Variants in TOR1AIP1 observed in about 807,000 individuals in gnomAD.
The protein encoded by TOR1AIP1 is torsin-1A-interacting protein 1.
In TOR1AIP1, 54 loss-of-function variants were observed where a neutral mutation model predicts 63.3. The ratio of observed to expected loss-of-function variants is 0.85; its 90% CI spans 0.69 to 1.07. The LOEUF (loss-of-function observed/expected upper bound fraction) is 1.07. Ranked by LOEUF, TOR1AIP1 falls within the 50% of genes least tolerant of loss-of-function variation. The probability of loss-of-function intolerance (pLI) is 0.00; values close to 1 mark genes in which losing one functional copy is unlikely to be tolerated. For synonymous variants in TOR1AIP1, 294 were observed against 273.5 expected (o/e 1.07, Z -0.74); for missense variants, 736 against 715.0 (o/e 1.03, Z -0.33).
intron 7 of TOR1AIP1, 139 bp from the exon 8 acceptor site, chr1:179,908,466 A>C: frequency 1.5e-6 from 1 of 669,602 alleles, no homozygotes; most frequent in South Asian, 2.1e-5. Context: ...ATTATCTTTT[A>C]CTTATAAAAC....
At chr1:179,904,157 G>T in intron 6 of TOR1AIP1, 135 bp downstream of exon 6, 1 of 619,542 alleles carries the variant, frequency 1.6e-6, no homozygotes, top group East Asian at 3.0e-5. Context: ...AAACTTATCC[G>T]ATATCTCTCT....
intron 8 of TOR1AIP1, chr1:179,913,723 CA>C: frequency 1.4e-6 from 1 of 695,334 alleles, no homozygotes; most frequent in South Asian, 1.5e-5. Context: ...CTTAATGGGT[CA>C]AATACTTCCA....
rs763416108 is a variant in TOR1AIP1, at chr1:179,908,622, A to C, written c.856A>C (p.Thr286Pro). The change falls in exon 8 of 10, where the codon ACT (threonine) becomes CCT (proline). Residue 286 changes from threonine to proline, a missense_variant. This residue lies in a region of TOR1AIP1 where 464 missense variants were observed against 371.0 expected (regional missense o/e 1.25). Coordinates refer to ENST00000606911, the MANE Select transcript of TOR1AIP1 (RefSeq NM_015602.4). The stretch of plus-strand genomic sequence containing the variant: ...TGCTTCAGGCTCAGGATATCAAAAA[A>C]CTCCCCAGGAATGGGCCCCACAAAC... ...PSVLSSGYQK[T>P]PQEWAPQTAR... 5.0e-6 allele frequency: 8 copies of C among 1,613,422 alleles called. No individual in the cohort carries two copies. The highest frequency in any genetic ancestry group is 2.2e-5 in the East Asian group (1 of 44,848).
rs1456406090 is a variant in TOR1AIP1, at chr1:179,885,961, G to A, written c.553+1192G>A. Among the ~76,000 whole-genome samples, 7 of 152,052 alleles carry A rather than the reference G, an allele frequency of 4.6e-5. No homozygotes were observed. The South Asian group carries it at 6.2e-4, about 13-fold the overall frequency. ...TCACCATGTTGGCCAAGCTGGTCTC[G>A]AACTCCTGACCTCAGGTGATCCACC... On this transcript the variant is annotated intron_variant, in intron 2 of 9. Transcript: ENST00000606911.
chr1:179,910,720 A>G (rs977350825), intron 8 of TOR1AIP1, among the ~76,000 whole-genome samples: 2 of 152,204 alleles, frequency 1.3e-5, no homozygotes, highest in African/African-American at 2.4e-5. Flanking sequence ...GTAAAAATGC[A>G]TGAGTTTTAG....
chr1:179,907,256 G>A (rs1297827519), intron 6 of TOR1AIP1, among the ~76,000 whole-genome samples: 1 of 151,178 alleles, frequency 6.6e-6, no homozygotes, highest in Non-Finnish European at 1.5e-5. Flanking sequence ...GGGAAACCCT[G>A]TCTCTACTAA....
intron 3 of TOR1AIP1, among the ~76,000 whole-genome samples, chr1:179,897,947 T>C (rs1648337767): frequency 6.6e-6 from 1 of 151,836 alleles, no homozygotes; most frequent in Non-Finnish European, 1.5e-5. Flanking sequence ...ACAAAAAGTA[T>C]AAATATTAGC....
intron 6 of TOR1AIP1, among the ~76,000 whole-genome samples, chr1:179,907,060 C>T (rs905953835): frequency 6.6e-6 from 1 of 151,030 alleles, no homozygotes; most frequent in African/African-American, 2.4e-5. Flanking sequence ...TTATAAAATA[C>T]GAACAGTAAT....
In TOR1AIP1 at chr1:179,882,415, AC is replaced by A; in HGVS notation, c.-83del. 1.5e-6 allele frequency: 2 copies of A among 1,298,438 alleles called. No individual in the cohort carries two copies. The allele number at this position is 1,298,438 out of a possible 1,614,324, so 80.4% of individuals were successfully genotyped here. ...CTGACCACAGCGGCCACCGCCCAAC[AC>A]CCCCGAGAAGCCATCGCCACCACCG... On this transcript the variant is annotated 5_prime_UTR_variant, in exon 1 of 10. Coordinates refer to ENST00000606911, the MANE Select transcript of TOR1AIP1 (RefSeq NM_015602.4).
chr1:179,903,574 C>T (rs959459404), intron 5 of TOR1AIP1, among the ~76,000 whole-genome samples: 6 of 150,614 alleles, frequency 4.0e-5, no homozygotes, highest in Non-Finnish European at 4.4e-5. Flanking sequence ...GTGGTGCGAT[C>T]TCGGCTCGCT....
intron 4 of TOR1AIP1, 116 bp downstream of exon 4, chr1:179,900,283 C>G: frequency 1.5e-6 from 1 of 654,294 alleles, no homozygotes; most frequent in Admixed American, 2.8e-5. Context: ...TGGCACATGC[C>G]TGTAGTCTCA....
Position 179,908,694 on chromosome 1 carries a change from T to TA in TOR1AIP1, c.907+22dup, listed in dbSNP as rs201566860. The TA allele has an allele frequency of 1.2e-3, 1,846 of 1,593,918 alleles. 27 individuals carry two copies. In the African/African-American group the frequency reaches 0.022, roughly 19 times the overall value. Reference sequence around the variant, plus strand: ...GCAAAGTAAGTAGATAAATCTCTGTTATTGAAATAATCTTGTGTATTTGCT... The same window carrying TA: ...GCAAAGTAAGTAGATAAATCTCTGTTAATTGAAATAATCTTGTGTATTTGCT... On this transcript the variant is annotated intron_variant, in intron 8 of 9. Transcript: ENST00000606911.
At chr1:179,884,074 G>T (rs1342721494) in intron 1 of TOR1AIP1, 11 of 162,514 alleles carry the variant, frequency 6.8e-5, no homozygotes, top group Non-Finnish European at 9.5e-5. Flanking sequence ...TTATGTTAAA[G>T]TTATGTCAGT....
At chr1:179,913,089 G>A (rs183131129) in intron 8 of TOR1AIP1, among the ~76,000 whole-genome samples, 112 of 152,016 alleles carry the variant, frequency 7.4e-4, no homozygotes, top group African/African-American at 2.7e-3. Context: ...AAGGGAAAGG[G>A]AAGGGTTAGG....
intron 8 of TOR1AIP1, among the ~76,000 whole-genome samples, chr1:179,911,825 C>A (rs1185719075): frequency 6.6e-6 from 1 of 152,052 alleles, no homozygotes; most frequent in African/African-American, 2.4e-5. Flanking sequence ...AGTCTAAAAT[C>A]TCATAATTAT....
At position 179,882,989 on chromosome 1, in the gene TOR1AIP1, G is replaced by T. The variant is rs1030967417; in HGVS notation, c.475+12G>T. The T allele has an allele frequency of 6.2e-7, 1 of 1,600,326 alleles. No individual in the cohort carries two copies. Among genetic ancestry groups the T allele is most frequent in the South Asian group, 1.1e-5 (1 of 89,894 alleles). On this transcript the variant is annotated intron_variant, in intron 1 of 9. Transcript: ENST00000606911. ...TCATTCCTCTGAAGGTGAGGACCGCGGAGGTAACAGTCCCAGCCGCGAGCC... is the reference window on the plus strand; with the variant it reads ...TCATTCCTCTGAAGGTGAGGACCGCTGAGGTAACAGTCCCAGCCGCGAGCC...
intron 1 of TOR1AIP1, 80 bp downstream of exon 1, chr1:179,883,057 G>C (rs1359023388): frequency 1.6e-6 from 2 of 1,272,656 alleles, no homozygotes; most frequent in African/African-American, 1.5e-5. Flanking sequence ...TGGAGCTCAT[G>C]CCCGCCTGGG....
chr1:179,907,837 G>T lies in TOR1AIP1; in HGVS notation c.811G>T (p.Ala271Ser). The change falls in exon 7 of 10, where the codon GCT becomes TCT. Residue 271 changes from alanine to serine, a missense_variant. Transcript: ENST00000606911. ...TTCTGTTTCAGGTCAAAACTTCACA[G>T]CTCATGATAAGCAACCTTCAGTGCT... is the stretch of plus-strand genomic sequence containing the variant. Reference protein sequence around the residue: ...WQSSQSQNFTAHDKQPSVLSS... With the variant: ...WQSSQSQNFTSHDKQPSVLSS... The T allele has an allele frequency of 6.3e-7, 1 of 1,589,136 alleles. No individual in the cohort carries two copies.
intron 2 of TOR1AIP1, among the ~76,000 whole-genome samples, chr1:179,887,483 G>A (rs1647945542): frequency 6.6e-6 from 1 of 152,052 alleles, no homozygotes; most frequent in Admixed American, 6.5e-5. Flanking sequence ...CTTGTTATTG[G>A]AAGACTTGAA....
Sources: allele counts gnomAD v4.1 joint callset (sites outside exome capture counted in the v4.1 genomes callset), GRCh38; gene constraint gnomAD v4.1.1; regional missense constraint gnomAD v4.1.1; transcripts MANE v1.5; gene names NCBI Gene and HGNC (gene_info 2026-07-23, HGNC 2026-07-21).